Variants in MGST1 observed in about 807,000 individuals in gnomAD.
MGST1 encodes microsomal glutathione S-transferase 1, also known as glutathione S-transferase 12.
MGST1 carries 5 observed loss-of-function variants against 8.9 expected under a neutral mutation model. The observed-to-expected ratio is 0.56, with a 90% CI of 0.29 to 1.19. The LOEUF (loss-of-function observed/expected upper bound fraction) is 1.19, where lower values mean the gene tolerates loss of function less well. Ranked by LOEUF, MGST1 falls within the 50% of genes most tolerant of loss-of-function variation. MGST1 has a pLI of 0.08. For missense variants in MGST1, 182 were observed against 187.4 expected (o/e 0.97, Z 0.17); for synonymous variants, 54 against 67.8 (o/e 0.80, Z 1.00).
chr12:16,533,227 A>G (rs901253605), intron 4 of MGST1, among the ~76,000 whole-genome samples: 2 of 152,196 alleles, frequency 1.3e-5, no homozygotes, highest in African/African-American at 4.8e-5. Flanking sequence ...AGAATTATGG[A>G]TAATCTGGTA....
intron 4 of MGST1, chr12:16,514,472 G>T: frequency 3.9e-6 from 1 of 253,728 alleles, no homozygotes; most frequent in Admixed American, 4.6e-5. Flanking sequence ...TCAAGAAGGA[G>T]GGTTCTACCC....
intron 4 of MGST1, among the ~76,000 whole-genome samples, chr12:16,445,774 C>T (rs1941075355): frequency 1.3e-5 from 2 of 151,866 alleles, no homozygotes; most frequent in South Asian, 4.1e-4. Flanking sequence ...GTTATTCCTC[C>T]AGAATCTATC....
chr12:16,477,557 A>T (rs1453363155), intron 4 of MGST1, among the ~76,000 whole-genome samples: 2 of 152,214 alleles, frequency 1.3e-5, no homozygotes, highest in African/African-American at 4.8e-5. Flanking sequence ...TAAAAATAAA[A>T]TTACTATCTT....
At position 16,363,791 on chromosome 12, in the gene MGST1, A is replaced by G. The variant is rs757105368; in HGVS notation, c.222-4A>G. The G allele has an allele frequency of 7.6e-6, 12 of 1,587,374 alleles. No individual in the cohort carries two copies. Among genetic ancestry groups the G allele is most frequent in the African/African-American group, 1.3e-5 (1 of 74,196 alleles). ...GTGTCTTTAATAGTTATCTTTTTCC[A>G]CAGAGCCCACCTGAATGACCTTGAA... On this transcript the variant is annotated splice_polypyrimidine_tract_variant and splice_region_variant and intron_variant, in intron 3 of 3. Transcript: ENST00000396210. This position sits in a 1 kb window ranked among gnomAD's most constrained non-coding sequence, Gnocchi z 4.6.
At chr12:16,388,452 G>A (rs974018459) in intron 1 of MGST1, among the ~76,000 whole-genome samples, 3 of 152,008 alleles carry the variant, frequency 2.0e-5, no homozygotes, top group South Asian at 2.1e-4. Context: ...GCATCGTCAC[G>A]GAGCTGAAGG....
At chr12:16,521,577 GA>G (rs1941648511) in intron 4 of MGST1, among the ~76,000 whole-genome samples, 1 of 152,122 alleles carries the variant, frequency 6.6e-6, no homozygotes, top group Non-Finnish European at 1.5e-5. Flanking sequence ...TAAATGTACT[GA>G]GAGATTCAGA....
intron 1 of MGST1, chr12:16,400,052 C>G (rs1383896013): frequency 1.3e-6 from 2 of 1,578,378 alleles, no homozygotes; most frequent in Non-Finnish European, 1.7e-6. Flanking sequence ...TCCAGTTCCT[C>G]CTTAGTTAGA....
chr12:16,545,346 G>A (rs1177833647), intron 4 of MGST1, among the ~76,000 whole-genome samples: 2 of 151,960 alleles, frequency 1.3e-5, no homozygotes, highest in African/African-American at 2.4e-5. Context: ...TTTATGCACC[G>A]ATGTCTCTCA....
intron 1 of MGST1, among the ~76,000 whole-genome samples, chr12:16,423,715 C>T (rs1206482291): frequency 6.6e-6 from 1 of 152,164 alleles, no homozygotes; most frequent in East Asian, 1.9e-4. Context: ...CCTCATGCTT[C>T]CTTGAATTCT....
chr12:16,490,621 G>A (rs1941432542), intron 4 of MGST1, among the ~76,000 whole-genome samples: 1 of 152,042 alleles, frequency 6.6e-6, no homozygotes, highest in Admixed American at 6.6e-5. Context: ...AGAATAGTAA[G>A]CATTTTGCAT....
At chr12:16,542,457 C>T (rs887274066) in intron 4 of MGST1, among the ~76,000 whole-genome samples, 1 of 152,174 alleles carries the variant, frequency 6.6e-6, no homozygotes, top group African/African-American at 2.4e-5. Flanking sequence ...AGGGAGTCAT[C>T]GAAGAACATA....
chr12:16,415,277 G>A (rs1940778227), intron 1 of MGST1, among the ~76,000 whole-genome samples: 3 of 152,128 alleles, frequency 2.0e-5, no homozygotes, highest in Admixed American at 1.3e-4. Context: ...ATTTCACAAT[G>A]CCTTAATTTC....
intron 4 of MGST1, among the ~76,000 whole-genome samples, chr12:16,580,248 A>G (rs1943118660): frequency 6.6e-6 from 1 of 152,178 alleles, no homozygotes; most frequent in East Asian, 1.9e-4. Context: ...CTACAGGTGC[A>G]TGCCACTGCT....
intron 4 of MGST1, among the ~76,000 whole-genome samples, chr12:16,460,926 T>C (rs943053513): frequency 1.8e-4 from 28 of 152,086 alleles, no homozygotes; most frequent in African/African-American, 5.6e-4. Context: ...TCTGGGTATC[T>C]CTTAAATCAT....
intron 4 of MGST1, among the ~76,000 whole-genome samples, chr12:16,488,576 C>T (rs139055453): frequency 1.3e-5 from 2 of 152,186 alleles, no homozygotes; most frequent in East Asian, 1.9e-4. Flanking sequence ...CATAGTCTGC[C>T]AGGTTTCTTT....
intron 3 of MGST1, among the ~76,000 whole-genome samples, chr12:16,373,456 C>A (rs957280867): frequency 6.6e-6 from 1 of 151,610 alleles, no homozygotes; most frequent in Admixed American, 6.6e-5. Context: ...GTGATGAATA[C>A]CCCAATTAAC....
At chr12:16,373,202 A>T in intron 3 of MGST1, among the ~76,000 whole-genome samples, 1 of 151,758 alleles carries the variant, frequency 6.6e-6, no homozygotes, top group East Asian at 1.9e-4. Flanking sequence ...TTAAAAAGAT[A>T]ACCTCACGGA....
intron 1 of MGST1, among the ~76,000 whole-genome samples, chr12:16,352,537 G>C (rs1397326172): frequency 6.6e-6 from 1 of 152,156 alleles, no homozygotes; most frequent in Non-Finnish European, 1.5e-5. Flanking sequence ...GCTGATAAAA[G>C]AACAAGAGGA....
At chr12:16,364,436 C>A, downstream of MGST1, 3 of 972,704 alleles carry the variant, frequency 3.1e-6, no homozygotes, top group Non-Finnish European at 3.7e-6. This position sits in a 1 kb window ranked among gnomAD's most constrained non-coding sequence, Gnocchi z 5.7. Flanking sequence ...TTTTTCCCAA[C>A]ATTTTATTTT....
Sources: allele counts gnomAD v4.1 joint callset (sites outside exome capture counted in the v4.1 genomes callset), GRCh38; gene constraint gnomAD v4.1.1; non-coding constraint Gnocchi (gnomAD v3.1); transcripts MANE v1.5; gene names NCBI Gene and HGNC (gene_info 2026-07-23, HGNC 2026-07-21).